STPG2: variants seen among roughly 807,000 people sequenced by gnomAD.
STPG2 encodes the protein sperm tail PG-rich repeat containing 2.
A neutral mutation model predicts 54.2 loss-of-function variants in STPG2; 56 were observed. That is an observed-to-expected ratio of 1.03 (90% confidence interval 0.83 to 1.29). The LOEUF (loss-of-function observed/expected upper bound fraction) is 1.29, where lower values mean the gene tolerates loss of function less well. Ranked by LOEUF, STPG2 falls within the 50% of genes most tolerant of loss-of-function variation. STPG2 has a pLI of 0.00. For missense variants in STPG2, 596 were observed against 544.9 expected (o/e 1.09, Z -0.93); for synonymous variants, 200 against 181.8 (o/e 1.10, Z -0.81).
intron 5 of STPG2, among the ~76,000 whole-genome samples, chr4:97,991,451 G>A (rs1441029662): frequency 7.0e-6 from 1 of 142,800 alleles, no homozygotes; most frequent in Non-Finnish European, 1.6e-5. Context: ...GTGTGTGTGT[G>A]TGTGTGTGTA....
chr4:98,104,969 T>C (rs1449056592), intron 5 of STPG2, among the ~76,000 whole-genome samples: 2 of 152,224 alleles, frequency 1.3e-5, no homozygotes, highest in East Asian at 3.8e-4. Flanking sequence ...ATTGAAAACC[T>C]AACTTAGTAG....
intron 9 of STPG2, among the ~76,000 whole-genome samples, chr4:97,831,067 T>C (rs1470738793): frequency 1.3e-5 from 2 of 152,112 alleles, no homozygotes; most frequent in African/African-American, 4.8e-5. Flanking sequence ...CAAAAGAATA[T>C]ACATTCTTCT....
intron 9 of STPG2, among the ~76,000 whole-genome samples, chr4:97,736,775 G>T (rs1269143655): frequency 1.3e-5 from 2 of 152,158 alleles, no homozygotes; most frequent in Non-Finnish European, 2.9e-5. Context: ...TCCACTTCTG[G>T]GGCAGGGCAC....
intron 10 of STPG2, among the ~76,000 whole-genome samples, chr4:97,678,444 T>C (rs1722922777): frequency 6.6e-6 from 1 of 152,122 alleles, no homozygotes. Context: ...TCAAATGTCT[T>C]CTTTTTTAAA....
Position 97,947,600 on chromosome 4 carries a change from G to T in STPG2, c.934-3593C>A, listed in dbSNP as rs538914888. Among the ~76,000 whole-genome samples the T allele has an allele frequency of 3.3e-5, 5 of 151,988 alleles. No homozygotes were observed. The South Asian group carries it at 6.2e-4, about 19-fold the overall frequency. On this transcript the variant is annotated intron_variant, in intron 7 of 10. Transcript: ENST00000295268. ...GTCCCTTTTATACCTAGTTTATTGA[G>T]GGTTTTTAATCATAAAAAGATGCTA...
intron 10 of STPG2, among the ~76,000 whole-genome samples, chr4:97,709,694 TA>T (rs1328836166): frequency 1.2e-4 from 18 of 151,798 alleles, no homozygotes; most frequent in Non-Finnish European, 2.7e-4. Context: ...TTGAAGCAAA[TA>T]AAAAATCAGT....
At chr4:98,102,712 C>T (rs1245382714) in intron 5 of STPG2, among the ~76,000 whole-genome samples, 1 of 151,684 alleles carries the variant, frequency 6.6e-6, no homozygotes, top group Non-Finnish European at 1.5e-5. Flanking sequence ...ATTCTGTTAT[C>T]TTTTCAATCG....
chr4:97,783,464 T>C (rs904727511), intron 9 of STPG2, among the ~76,000 whole-genome samples: 2 of 152,214 alleles, frequency 1.3e-5, no homozygotes, highest in African/African-American at 4.8e-5. Context: ...GGAACACTTT[T>C]ACACTGTTGG....
intron 4 of STPG2, among the ~76,000 whole-genome samples, chr4:97,524,832 A>G (rs1731251128): frequency 6.6e-6 from 1 of 151,978 alleles, no homozygotes; most frequent in Non-Finnish European, 1.5e-5. Context: ...CACACTTGAG[A>G]ATTTTTCTTC....
intron 8 of STPG2, chr4:97,916,931 A>G (rs1241052535): frequency 6.5e-6 from 1 of 152,750 alleles, no homozygotes. Context: ...GTATGGGCCG[A>G]TGCTCAAGAG....
In STPG2 at chr4:97,483,641, C is replaced by T. The variant is rs189636743; in HGVS notation, c.462+229058G>A. Among the ~76,000 whole-genome samples, 637 of 151,834 alleles carry T rather than the reference C, an allele frequency of 4.2e-3. 3 individuals carry two copies. Among genetic ancestry groups the T allele is most frequent in the South Asian group, 0.02 (97 of 4,820 alleles). On this transcript the variant is annotated intron_variant, in intron 4 of 4. Coordinates refer to the STPG2 transcript ENST00000522676. ...AATAGTAGTGGGGGACTTCACTATT[C>T]CACTGACAGCACTAGACAGGTCATG...
At chr4:97,811,511 A>C (rs17546340) in intron 9 of STPG2, among the ~76,000 whole-genome samples, 9,312 of 151,794 alleles carry the variant, frequency 0.061, 382 homozygotes, top group South Asian at 0.099. Context: ...TTTCTAAAAA[A>C]TACAGTATTC....
intron 10 of STPG2, among the ~76,000 whole-genome samples, chr4:97,599,965 T>A (rs1733414874): frequency 1.3e-5 from 2 of 152,118 alleles, no homozygotes; most frequent in Admixed American, 1.3e-4. Context: ...GAGGCCATTA[T>A]CCTAAATGAA....
At chr4:97,977,320 G>A (rs775916478) in intron 6 of STPG2, among the ~76,000 whole-genome samples, 9 of 151,950 alleles carry the variant, frequency 5.9e-5, no homozygotes, top group Non-Finnish European at 1.3e-4. Context: ...TCATAAACCA[G>A]CTTTTTAAAA....
At chr4:97,768,017 A>C (rs751955473) in intron 9 of STPG2, among the ~76,000 whole-genome samples, 1 of 151,992 alleles carries the variant, frequency 6.6e-6, no homozygotes, top group African/African-American at 2.4e-5. Context: ...AACACAAAAA[A>C]ATTAGCGGGC....
At chr4:97,883,228 T>A (rs189159206) in intron 8 of STPG2, among the ~76,000 whole-genome samples, 3 of 151,684 alleles carry the variant, frequency 2.0e-5, no homozygotes, top group Admixed American at 1.3e-4. Context: ...TATATGTATA[T>A]ATTTTTTTAA....
intron 5 of STPG2, among the ~76,000 whole-genome samples, chr4:98,023,018 A>G (rs1404528900): frequency 6.6e-6 from 1 of 152,134 alleles, no homozygotes; most frequent in Non-Finnish European, 1.5e-5. Flanking sequence ...CTCTCAACTC[A>G]TCAAAGTCAC....
intron 10 of STPG2, among the ~76,000 whole-genome samples, chr4:97,631,619 A>C (rs1207247993): frequency 6.6e-6 from 1 of 152,070 alleles, no homozygotes; most frequent in South Asian, 2.1e-4. Context: ...CTTGCCCTTA[A>C]TGGAAAATAT....
intron 10 of STPG2, among the ~76,000 whole-genome samples, chr4:97,653,128 T>C (rs189077088): frequency 2.0e-4 from 30 of 151,926 alleles, no homozygotes; most frequent in African/African-American, 7.0e-4. Context: ...GATAGATAGA[T>C]AGATAGACAG....
Sources: allele counts gnomAD v4.1 joint callset (sites outside exome capture counted in the v4.1 genomes callset), GRCh38; gene constraint gnomAD v4.1.1; transcripts MANE v1.5; gene names NCBI Gene and HGNC (gene_info 2026-07-23, HGNC 2026-07-21).